Variants in NGLY1 observed in about 807,000 individuals in gnomAD.
NGLY1 encodes the protein N-glycanase 1.
In NGLY1, 68 loss-of-function variants were observed where a neutral mutation model predicts 84.6. That is an observed-to-expected ratio of 0.80 (90% CI 0.66 to 0.98). The LOEUF (loss-of-function observed/expected upper bound fraction) is 0.98, where lower values mean the gene tolerates loss of function less well. NGLY1 is among the 50% of genes least tolerant of loss of function. The pLI is 0.00. For synonymous variants in NGLY1, 280 were observed against 275.2 expected (o/e 1.02, Z -0.17); for missense variants, 779 against 770.2 (o/e 1.01, Z -0.14).
At chr3:25,737,842 C>A (rs1383794965) in intron 5 of NGLY1, among the ~76,000 whole-genome samples, 3 of 152,072 alleles carry the variant, frequency 2.0e-5, no homozygotes, top group African/African-American at 7.2e-5. Flanking sequence ...CTGCGCCCGG[C>A]CTTTAATTTG....
chr3:25,719,917 C>G, intron 11 of NGLY1, 97 bp downstream of exon 11: 6 of 1,053,900 alleles, frequency 5.7e-6, no homozygotes, highest in Non-Finnish European at 8.1e-6. Context: ...ATTAATAACT[C>G]TTAGGTACGA....
intron 2 of NGLY1, among the ~76,000 whole-genome samples, chr3:25,774,478 G>A (rs1011471249): frequency 1.2e-4 from 18 of 152,102 alleles, no homozygotes; most frequent in Admixed American, 4.6e-4. Flanking sequence ...CCACTGTGGC[G>A]GATGGGGGTG....
chr3:25,733,469 G>GTA (rs201985112), intron 8 of NGLY1, among the ~76,000 whole-genome samples: 3,673 of 14,960 alleles, frequency 0.25, 136 homozygotes, highest in African/African-American at 0.3. Flanking sequence ...ACATGGACGT[G>GTA]TGTGTGTGTG....
intron 4 of NGLY1, among the ~76,000 whole-genome samples, chr3:25,740,839 C>T (rs1215749811): frequency 6.6e-6 from 1 of 151,900 alleles, no homozygotes; most frequent in Non-Finnish European, 1.5e-5. Context: ...TAAAATTTGA[C>T]AAGCTAGCCA....
At chr3:25,781,060 C>T (rs1367675853) in intron 1 of NGLY1, among the ~76,000 whole-genome samples, 1 of 152,022 alleles carries the variant, frequency 6.6e-6, no homozygotes, top group Non-Finnish European at 1.5e-5. Flanking sequence ...AGCCATCCTC[C>T]CACCTCTGCC....
At chr3:25,755,765 C>T (rs561581738) in intron 3 of NGLY1, 9 of 792,132 alleles carry the variant, frequency 1.1e-5, no homozygotes, top group African/African-American at 8.7e-5. Flanking sequence ...TAGATCTTCT[C>T]GTTTTACCTT....
intron 2 of NGLY1, among the ~76,000 whole-genome samples, chr3:25,764,559 G>A (rs1707467978): frequency 6.6e-6 from 1 of 151,950 alleles, no homozygotes; most frequent in Admixed American, 6.6e-5. Context: ...TATTTAATGT[G>A]GTTCAAAGGA....
intron 9 of NGLY1, among the ~76,000 whole-genome samples, chr3:25,730,769 G>T (rs1362543309): frequency 6.6e-6 from 1 of 152,088 alleles, no homozygotes; most frequent in Admixed American, 6.6e-5. Flanking sequence ...TCTGTTACTA[G>T]AGAAATGAAC....
Position 25,721,698 on chromosome 3 carries a change from G to A in NGLY1, c.1612-1507C>T, listed in dbSNP as rs368893672. ...CGGGGGGCGGAGCTTGCAGTGAGCC[G>A]AGACTGCGCCATTGCACTCCAGCCT... On this transcript the variant is annotated intron_variant, in intron 10 of 11. Transcript: ENST00000280700. 2.8e-4 allele frequency among the ~76,000 whole-genome samples: 35 copies of A among 124,034 alleles called. No homozygotes were observed. The East Asian group carries it at 3.5e-3, about 12-fold the overall frequency. 81.4% of individuals were successfully genotyped at this position (124,034 alleles called of 152,430 possible).
chr3:25,783,437 C>T lies in NGLY1; in HGVS notation c.-47G>A, dbSNP rs1029868463. The T allele has an allele frequency of 2.0e-6, 3 of 1,479,642 alleles. No homozygotes were observed. The highest frequency in any genetic ancestry group is 2.7e-6 in the Non-Finnish European group (3 of 1,119,908). The allele number at this position is 1,479,642 out of a possible 1,614,324, so 91.7% of individuals were successfully genotyped here. A position where few individuals can be genotyped will look rare whatever the true frequency, so the allele number is the denominator to read the frequency against. On this transcript the variant is annotated 5_prime_UTR_variant, in exon 1 of 12. Coordinates refer to ENST00000280700, the MANE Select transcript of NGLY1 (RefSeq NM_018297.4). This position sits in a 1 kb window ranked among gnomAD's most constrained non-coding sequence, Gnocchi z 4.5. ...GCCGCCGCCCCTCGCTCTCCGCGTCCCACACTGAGCAGGCGCCTCAGCGCG... is the reference window on the plus strand; with the variant it reads ...GCCGCCGCCCCTCGCTCTCCGCGTCTCACACTGAGCAGGCGCCTCAGCGCG...
chr3:25,787,001 C>A (rs1708619906), upstream of NGLY1, among the ~76,000 whole-genome samples: 1 of 152,158 alleles, frequency 6.6e-6, no homozygotes, highest in Admixed American at 6.5e-5. Context: ...AAGTTTAGAG[C>A]AGTGGTTGGA....
chr3:25,725,425 G>A (rs1705202106), intron 10 of NGLY1, among the ~76,000 whole-genome samples: 1 of 152,154 alleles, frequency 6.6e-6, no homozygotes, highest in Non-Finnish European at 1.5e-5. Flanking sequence ...GTGTTTCCCT[G>A]AGTTCTATGA....
chr3:25,783,607 C>CTTCGGCCGGCA, upstream of NGLY1: 1 of 19,924 alleles, frequency 5.0e-5, no homozygotes, highest in Non-Finnish European at 9.4e-5. This position sits in a 1 kb window ranked among gnomAD's most constrained non-coding sequence, Gnocchi z 4.5. Flanking sequence ...GGGGCGGGGT[C>CTTCGGCCGGCA]GGGGGCCTGG....
chr3:25,758,073 T>C (rs1367020658), intron 3 of NGLY1, among the ~76,000 whole-genome samples: 1 of 152,190 alleles, frequency 6.6e-6, no homozygotes, highest in Non-Finnish European at 1.5e-5. Flanking sequence ...AGGCCAATAC[T>C]AATAATAAGA....
Position 25,753,541 on chromosome 3 carries a change from A to G in NGLY1, c.493-2278T>C, listed in dbSNP as rs113501627. ...ATCACAACTGGAAAGCAAAATCTCA[A>G]TTTTTTCATAGGAAAGGTAGCAAGG... On this transcript the variant is annotated intron_variant, in intron 3 of 11. Transcript: ENST00000280700. Among the ~76,000 whole-genome samples, 438 of 152,214 alleles carry G rather than the reference A, an allele frequency of 2.9e-3. 3 individuals are homozygous for G. The highest frequency in any genetic ancestry group is 0.01 in the African/African-American group (420 of 41,540).
intron 3 of NGLY1, among the ~76,000 whole-genome samples, chr3:25,753,088 G>C (rs772965423): frequency 3.3e-5 from 5 of 152,072 alleles, no homozygotes; most frequent in African/African-American, 4.8e-5. Flanking sequence ...GAGCTAGTAT[G>C]TATGGAAAAC....
intron 4 of NGLY1, among the ~76,000 whole-genome samples, chr3:25,747,085 T>C (rs1320726000): frequency 6.6e-6 from 1 of 152,244 alleles, no homozygotes. Flanking sequence ...TTATACTTCA[T>C]ACATTACATT....
chr3:25,777,304 A>C (rs1331985780), intron 2 of NGLY1, among the ~76,000 whole-genome samples: 1 of 151,114 alleles, frequency 6.6e-6, no homozygotes, highest in Non-Finnish European at 1.5e-5. Context: ...CTGAGGCAGG[A>C]GAATCGCTTG....
chr3:25,753,956 C>G (rs1559545871), intron 3 of NGLY1, among the ~76,000 whole-genome samples: 1 of 152,134 alleles, frequency 6.6e-6, no homozygotes, highest in Non-Finnish European at 1.5e-5. Context: ...ACAAGACAGA[C>G]ATGATCAATT....
Sources: allele counts gnomAD v4.1 joint callset (sites outside exome capture counted in the v4.1 genomes callset), GRCh38; gene constraint gnomAD v4.1.1; non-coding constraint Gnocchi (gnomAD v3.1); transcripts MANE v1.5; gene names NCBI Gene and HGNC (gene_info 2026-07-23, HGNC 2026-07-21).